Variants in SUPT20H observed in about 807,000 individuals in gnomAD.
SUPT20H encodes the protein transcription factor SPT20 homolog.
In SUPT20H, 82 loss-of-function variants were observed where a neutral mutation model predicts 122.8. The observed-to-expected ratio is 0.67, with a 90% confidence interval of 0.56 to 0.80. The LOEUF (loss-of-function observed/expected upper bound fraction) is 0.80. Ranked by LOEUF, SUPT20H falls within the 30% of genes least tolerant of loss-of-function variation. The pLI is 0.00. For missense variants in SUPT20H, 831 were observed against 921.6 expected (o/e 0.90, Z 1.27); for synonymous variants, 291 against 313.0 (o/e 0.93, Z 0.74).
At chr13:37,025,889 A>C (rs2062169328) in intron 16 of SUPT20H, 1 of 258,000 alleles carries the variant, frequency 3.9e-6, no homozygotes. Flanking sequence ...AGGTATTATA[A>C]ACTTTGGAAA....
At chr13:37,020,493 T>C (rs2061326258) in intron 21 of SUPT20H, among the ~76,000 whole-genome samples, 1 of 152,142 alleles carries the variant, frequency 6.6e-6, no homozygotes, top group South Asian at 2.1e-4. Context: ...GTGACTTCTG[T>C]AGAACCCCAG....
At chr13:37,054,508 T>C (rs544429312) in intron 1 of SUPT20H, among the ~76,000 whole-genome samples, 3 of 152,238 alleles carry the variant, frequency 2.0e-5, no homozygotes, top group African/African-American at 4.8e-5. Context: ...ACAGAACCCA[T>C]GACAAAAACC....
chr13:37,034,829 C>T (rs2064037769), intron 9 of SUPT20H, among the ~76,000 whole-genome samples: 1 of 152,182 alleles, frequency 6.6e-6, no homozygotes, highest in Non-Finnish European at 1.5e-5. Flanking sequence ...TGACTTGATG[C>T]TGAAGCCAAT....
rs1161297321 is a variant in SUPT20H at position 37,031,874 on chromosome 13, T to A, written c.729A>T (p.Arg243Ser). The A allele has an allele frequency of 2.5e-6, 4 of 1,596,936 alleles. No individual in the cohort carries two copies. The highest frequency in any genetic ancestry group is 3.4e-6 in the Non-Finnish European group (4 of 1,174,948). The change falls in exon 11 of 26, where the codon AGA (arginine) becomes AGT (serine). Residue 243 changes from arginine to serine, a missense_variant. By Grantham distance (110) the Arg-to-Ser change is moderately radical. Coordinates refer to ENST00000350612, the MANE Select transcript of SUPT20H (RefSeq NM_001014286.3). ...PMKRCFKRYS[R>S]SSLNRQQDLS... ...GATCTTGCTGCCGATTCAGAGAGGA[T>A]CTGGAATACCTCTTGAAACACCTGA...
intron 7 of SUPT20H, 97 bp downstream of exon 7, chr13:37,043,973 GTAGTCGTT>G (rs2065959917): frequency 3.3e-6 from 2 of 601,312 alleles, no homozygotes; most frequent in Non-Finnish European, 5.6e-6. Context: ...GAAACATCAT[GTAGTCGTT>G]TATATACATA....
intron 6 of SUPT20H, among the ~76,000 whole-genome samples, 172 bp downstream of exon 6, chr13:37,045,075 T>G (rs2066175495): frequency 1.3e-5 from 2 of 152,282 alleles, no homozygotes; most frequent in South Asian, 4.1e-4. Context: ...TTTCTAATAT[T>G]CTACCAAAAC....
In SUPT20H at chr13:37,035,104, A is replaced by C. The variant is rs139104537; in HGVS notation, c.568-1516T>G. 5.1e-3 allele frequency among the ~76,000 whole-genome samples: 770 copies of C among 152,336 alleles called. 6 individuals carry two copies. Among genetic ancestry groups the C allele is most frequent in the African/African-American group, 0.018 (735 of 41,582 alleles). ...TAATGTTTTCATAGCTGCCAACACA[A>C]TATCCACTCTGCAGCCTATGGATCA... On this transcript the variant is annotated intron_variant, in intron 9 of 25. Coordinates refer to ENST00000350612, the MANE Select transcript of SUPT20H (RefSeq NM_001014286.3).
At chr13:37,049,478 G>A (rs996649153) in intron 2 of SUPT20H, among the ~76,000 whole-genome samples, 4 of 152,184 alleles carry the variant, frequency 2.6e-5, no homozygotes, top group African/African-American at 4.8e-5. Flanking sequence ...GGTGGCTCAT[G>A]CCTGTAATCC....
In SUPT20H at chr13:37,045,286, C is replaced by T; in HGVS notation, c.253G>A (p.Glu85Lys). ...CLVVNLYPGN[E>K]GYSLMLRGKN... ...CCCCTGAGCATCAGAGAATATCCCT[C>T]ATTTCCTGGGTATAGATTGACCACT... is the stretch of plus-strand genomic sequence containing the variant. The change falls in exon 6 of 26, where the codon GAG (glutamate) becomes AAG (lysine). Residue 85 changes from glutamate to lysine, a missense_variant. Coordinates refer to ENST00000350612, the MANE Select transcript of SUPT20H (RefSeq NM_001014286.3). 1 of 1,613,814 alleles carries T rather than the reference C, an allele frequency of 6.2e-7. No individual in the cohort carries two copies. The highest frequency in any genetic ancestry group is 8.5e-7 in the Non-Finnish European group (1 of 1,179,796).
At chr13:37,035,543 C>CAAAA (rs1012545974) in intron 9 of SUPT20H, among the ~76,000 whole-genome samples, 2 of 147,276 alleles carry the variant, frequency 1.4e-5, no homozygotes, top group African/African-American at 5.0e-5. Context: ...TTTTTTGAGT[C>CAAAA]AGAGTCTCCC....
At chr13:37,012,558 G>C (rs2059789224) in intron 23 of SUPT20H, 1 of 241,318 alleles carries the variant, frequency 4.1e-6, no homozygotes, top group African/African-American at 2.2e-5. Context: ...CTTTTATAAA[G>C]CTTCACTGAA....
rs1015208394 is a variant in SUPT20H at position 37,033,375 on chromosome 13, G to A, written c.707+74C>T. On this transcript the variant is annotated intron_variant, in intron 10 of 25. Transcript: ENST00000350612. The stretch of plus-strand genomic sequence containing the variant: ...AAATCGGAGCAACCATACCCTGGAG[G>A]GAAAAGATACTATAAATAGCAAAAT... 16 of 1,545,286 alleles carry A rather than the reference G, an allele frequency of 1.0e-5. No homozygotes were observed. The African/African-American group carries it at 2.1e-4, about 20-fold the overall frequency.
At chr13:37,056,889 T>C (rs888991740) in intron 1 of SUPT20H, 2 of 152,162 alleles carry the variant, frequency 1.3e-5, no homozygotes, top group Non-Finnish European at 2.9e-5. Context: ...TGCTTGAGAC[T>C]GATTAAGTGG....
At chr13:37,040,046 T>C (rs980318121) in intron 9 of SUPT20H, 4 of 164,690 alleles carry the variant, frequency 2.4e-5, no homozygotes, top group African/African-American at 9.6e-5. Context: ...CAAAGAAAGA[T>C]AGGCTAGGCT....
intron 22 of SUPT20H, among the ~76,000 whole-genome samples, chr13:37,017,930 A>G (rs1432823437): frequency 6.6e-6 from 1 of 152,146 alleles, no homozygotes; most frequent in Non-Finnish European, 1.5e-5. Context: ...TTAAAAAACA[A>G]TTTTTAAAGA....
In SUPT20H at chr13:37,022,851, C is replaced by G; in HGVS notation, c.1592-771G>C. On this transcript the variant is annotated intron_variant, in intron 19 of 25. Coordinates refer to ENST00000350612, the MANE Select transcript of SUPT20H (RefSeq NM_001014286.3). This position sits in a 1 kb window ranked among gnomAD's most constrained non-coding sequence, Gnocchi z 4.5. ...AAATTTACAAAAAACAGTAATAAAGCAAATATCTGAGAGATAATACTGCAT... is the reference window on the plus strand; with the variant it reads ...AAATTTACAAAAAACAGTAATAAAGGAAATATCTGAGAGATAATACTGCAT... The G allele has an allele frequency of 9.4e-7, 1 of 1,068,368 alleles. No individual in the cohort carries two copies. Among genetic ancestry groups the G allele is most frequent in the South Asian group, 2.7e-5 (1 of 37,384 alleles). The allele number at this position is 1,068,368 out of a possible 1,614,324, so 66.2% of individuals were successfully genotyped here. A position where few individuals can be genotyped will look rare whatever the true frequency, so the allele number is the denominator to read the frequency against.
intron 10 of SUPT20H, 64 bp downstream of exon 10, chr13:37,033,385 C>CT: frequency 6.3e-7 from 1 of 1,575,382 alleles, no homozygotes; most frequent in Non-Finnish European, 8.6e-7. Flanking sequence ...GGAAAAGATA[C>CT]TATAAATAGC....
intron 9 of SUPT20H, among the ~76,000 whole-genome samples, chr13:37,037,632 G>T (rs2064730609): frequency 6.6e-6 from 1 of 152,108 alleles, no homozygotes; most frequent in South Asian, 2.1e-4. Context: ...GTCATAAAGG[G>T]TTATGGCATT....
chr13:37,044,828 T>C (rs1351853992), intron 6 of SUPT20H, among the ~76,000 whole-genome samples: 2 of 152,224 alleles, frequency 1.3e-5, no homozygotes, highest in Admixed American at 6.5e-5. Flanking sequence ...TTCAGACTCA[T>C]GTTCAAACTG....
Sources: gnomAD v4.1 joint callset for allele counts (sites outside exome capture counted in the v4.1 genomes callset) on GRCh38, gnomAD v4.1.1 for gene constraint, Gnocchi (gnomAD v3.1) non-coding constraint, MANE v1.5 for transcripts, NCBI Gene and HGNC (gene_info 2026-07-23, HGNC 2026-07-21) for gene names.